NALF1: variants seen among roughly 807,000 people sequenced by gnomAD.
NALF1 encodes NALCN channel auxiliary factor 1, also known as family with sequence similarity 155 member A.
NALF1 carries 3 observed loss-of-function variants against 48.4 expected under a neutral mutation model. That is an observed-to-expected ratio of 0.06 (90% confidence interval 0.03 to 0.16). NALF1 has a LOEUF of 0.16. NALF1 is among the 10% of genes least tolerant of loss of function. The pLI is 1.00. For missense variants in NALF1, 526 were observed against 571.5 expected, an observed-to-expected ratio of 0.92 and a Z score of 0.81; for synonymous variants, 262 against 245.7, an observed-to-expected ratio of 1.07 and a Z score of -0.62.
chr13:107,819,762 T>TCTC (rs57209047), intron 1 of NALF1, among the ~76,000 whole-genome samples: 11 of 151,186 alleles, frequency 7.3e-5, no homozygotes, highest in East Asian at 1.9e-4. Flanking sequence ...ACTCTCTCTC[T>TCTC]TTCACACACA....
At chr13:107,757,475 G>A (rs376140050) in intron 1 of NALF1, among the ~76,000 whole-genome samples, 1 of 146,580 alleles carries the variant, frequency 6.8e-6, no homozygotes, top group East Asian at 2.1e-4. Context: ...GAATGATAAG[G>A]GGCTAGAAAT....
intron 1 of NALF1, among the ~76,000 whole-genome samples, chr13:107,534,494 G>A (rs989820188): frequency 6.6e-5 from 10 of 152,142 alleles, no homozygotes; most frequent in African/African-American, 2.4e-4. Context: ...AAGTTCAGGT[G>A]TACATATGCA....
At chr13:107,580,541 T>C (rs1878275345) in intron 1 of NALF1, among the ~76,000 whole-genome samples, 1 of 152,140 alleles carries the variant, frequency 6.6e-6, no homozygotes, top group Non-Finnish European at 1.5e-5. Context: ...AGCACCCACT[T>C]TAATTTTCTT....
chr13:107,425,031 T>A (rs1884255761), intron 1 of NALF1, among the ~76,000 whole-genome samples: 1 of 152,228 alleles, frequency 6.6e-6, no homozygotes, highest in South Asian at 2.1e-4. Flanking sequence ...TTTTAGATTG[T>A]CGCTGTTAGA....
chr13:107,427,763 T>G (rs1461441742), intron 1 of NALF1, among the ~76,000 whole-genome samples: 3 of 152,154 alleles, frequency 2.0e-5, no homozygotes, highest in Non-Finnish European at 4.4e-5. Flanking sequence ...AAGCTTCCTC[T>G]TTTGAGTAGC....
At chr13:107,615,230 T>C (rs193217731) in intron 1 of NALF1, among the ~76,000 whole-genome samples, 1 of 152,332 alleles carries the variant, frequency 6.6e-6, no homozygotes. Flanking sequence ...GGGACAAAAA[T>C]GACATCTCTG....
intron 1 of NALF1, among the ~76,000 whole-genome samples, chr13:107,456,943 C>T (rs1171575534): frequency 6.6e-6 from 1 of 152,076 alleles, no homozygotes; most frequent in African/African-American, 2.4e-5. Context: ...TTTTATTTAG[C>T]TCATGAGCTT....
chr13:107,433,551 T>C (rs1046606206), intron 1 of NALF1, among the ~76,000 whole-genome samples: 1 of 152,064 alleles, frequency 6.6e-6, no homozygotes, highest in African/African-American at 2.4e-5. Flanking sequence ...ATTGTGCACA[T>C]GTACCCTAAA....
intron 1 of NALF1, among the ~76,000 whole-genome samples, chr13:107,525,817 T>A (rs781562145): frequency 6.6e-6 from 1 of 152,170 alleles, no homozygotes; most frequent in Admixed American, 6.6e-5. Context: ...GTCTGTATTA[T>A]AAACACTTAA....
intron 1 of NALF1, among the ~76,000 whole-genome samples, chr13:107,298,144 T>A (rs2138889373): frequency 6.6e-6 from 1 of 151,682 alleles, no homozygotes; most frequent in South Asian, 2.1e-4. Context: ...GGTCAGGAGA[T>A]CGAGACCATC....
intron 1 of NALF1, among the ~76,000 whole-genome samples, chr13:107,724,975 C>T (rs1466230375): frequency 6.6e-6 from 1 of 152,124 alleles, no homozygotes; most frequent in African/African-American, 2.4e-5. Context: ...TTCTAGCTTC[C>T]AAGAACTCAC....
intron 2 of NALF1, among the ~76,000 whole-genome samples, chr13:107,176,334 T>G (rs964169951): frequency 6.6e-6 from 1 of 150,796 alleles, no homozygotes; most frequent in Non-Finnish European, 1.5e-5. Context: ...TTTTTTTTTT[T>G]TTTTTGAGAA....
At chr13:107,494,780 G>A (rs772767745) in intron 1 of NALF1, among the ~76,000 whole-genome samples, 5 of 152,188 alleles carry the variant, frequency 3.3e-5, no homozygotes, top group Non-Finnish European at 5.9e-5. Flanking sequence ...AAGTCTAAAC[G>A]ACTGTGTGAT....
intron 1 of NALF1, among the ~76,000 whole-genome samples, chr13:107,625,806 C>T (rs1205825494): frequency 6.6e-6 from 1 of 152,068 alleles, no homozygotes; most frequent in Non-Finnish European, 1.5e-5. Context: ...AAATTCATTT[C>T]TACCTGACAC....
chr13:107,345,534 T>C (rs1882755740), intron 1 of NALF1, among the ~76,000 whole-genome samples: 1 of 152,106 alleles, frequency 6.6e-6, no homozygotes, highest in Non-Finnish European at 1.5e-5. Context: ...TTGACAAGCA[T>C]GCAAAGTCTA....
At chr13:107,758,234 G>A (rs141190407) in intron 1 of NALF1, among the ~76,000 whole-genome samples, 29 of 152,230 alleles carry the variant, frequency 1.9e-4, no homozygotes, top group Non-Finnish European at 2.8e-4. Context: ...CTCCATACAC[G>A]ACTATTTCTA....
chr13:107,558,657 T>C (rs1877553191), intron 1 of NALF1, among the ~76,000 whole-genome samples: 1 of 152,146 alleles, frequency 6.6e-6, no homozygotes. Context: ...ATTTTATGTG[T>C]CCATTTGACT....
chr13:107,512,132 C>T (rs894451936), intron 1 of NALF1, among the ~76,000 whole-genome samples: 2 of 152,200 alleles, frequency 1.3e-5, no homozygotes, highest in East Asian at 1.9e-4. Flanking sequence ...TCGTGGCTCA[C>T]GCCTGTAATC....
intron 1 of NALF1, among the ~76,000 whole-genome samples, chr13:107,553,581 G>A (rs1294060709): frequency 6.6e-6 from 1 of 152,122 alleles, no homozygotes; most frequent in Non-Finnish European, 1.5e-5. Context: ...ACAAATTAAT[G>A]TAATTTGCTT....
Sources: allele counts gnomAD v4.1 joint callset (sites outside exome capture counted in the v4.1 genomes callset), GRCh38; gene constraint gnomAD v4.1.1; transcripts MANE v1.5; gene names NCBI Gene and HGNC (gene_info 2026-07-23, HGNC 2026-07-21).